Variants in VIRMA observed in about 807,000 individuals in gnomAD.
VIRMA encodes the protein protein virilizer homolog.
A neutral mutation model predicts 182.4 loss-of-function variants in VIRMA; 65 were observed. The observed-to-expected ratio is 0.36, with a 90% CI of 0.29 to 0.44. VIRMA has a LOEUF of 0.44. Among genes scored for constraint, VIRMA ranks in the 20% least tolerant of loss-of-function variants. The pLI is 1.00. For missense variants in VIRMA, 1,752 were observed against 2,158.1 expected (o/e 0.81, Z 3.73); for synonymous variants, 709 against 743.1 (o/e 0.95, Z 0.75).
At chr8:94,493,673 C>A (rs1813677728) in intron 20 of VIRMA, among the ~76,000 whole-genome samples, 1 of 152,106 alleles carries the variant, frequency 6.6e-6, no homozygotes, top group African/African-American at 2.4e-5. Flanking sequence ...ATTTTTAATG[C>A]ACTTTTAATT....
chr8:94,493,747 G>A (rs913328386), intron 20 of VIRMA, among the ~76,000 whole-genome samples: 12 of 152,262 alleles, frequency 7.9e-5, no homozygotes, highest in Admixed American at 5.2e-4. Context: ...CAAATGTGAA[G>A]CAAATCATTC....
intron 15 of VIRMA, among the ~76,000 whole-genome samples, chr8:94,507,581 AC>A (rs2130296571): frequency 6.6e-6 from 1 of 151,924 alleles, no homozygotes; most frequent in South Asian, 2.1e-4. Context: ...ATGGTGAAAC[AC>A]CCTCTCTACC....
At chr8:94,547,047 G>A (rs1412362188) in intron 1 of VIRMA, 3 of 454,958 alleles carry the variant, frequency 6.6e-6, no homozygotes, top group Non-Finnish European at 1.3e-5. Context: ...CTTGAAAGCT[G>A]AGCCAGATCA....
In VIRMA at chr8:94,553,444, C is replaced by T; in HGVS notation, c.4G>A (p.Ala2Thr). 1 of 1,614,218 alleles carries T rather than the reference C, an allele frequency of 6.2e-7. No individual in the cohort carries two copies. Among genetic ancestry groups the T allele is most frequent in the Non-Finnish European group, 8.5e-7 (1 of 1,180,026 alleles). Residue 2 changes from alanine to threonine, a missense_variant, in exon 1 of 24, where the codon GCG becomes ACG. By Grantham distance (58) the Ala-to-Thr change is moderately conservative (BLOSUM62 0). This residue lies in a region of VIRMA where 195 missense variants were observed against 191.7 expected (regional missense o/e 1.02). Transcript: ENST00000297591. M[A>T]VDSAMELLFL... ...AACAGCTCCATCGCCGAGTCCACCG[C>T]CATGTTTGCCGCGGGCGGGGAACAG...
chr8:94,550,854 G>A (rs2130406019), intron 1 of VIRMA, among the ~76,000 whole-genome samples: 1 of 152,222 alleles, frequency 6.6e-6, no homozygotes, highest in South Asian at 2.1e-4. Flanking sequence ...GAGTAGCTGG[G>A]ACTATAGACG....
chr8:94,510,077 T>C (rs185147310), intron 14 of VIRMA, 137 bp from the exon 15 acceptor site: 4 of 773,484 alleles, frequency 5.2e-6, no homozygotes, highest in African/African-American at 3.5e-5. Flanking sequence ...TAATGACAAA[T>C]TCTCTGGAAT....
In VIRMA at chr8:94,538,305, T is replaced by C; in HGVS notation, c.221A>G (p.Asn74Ser). 1 of 1,613,492 alleles carries C rather than the reference T, an allele frequency of 6.2e-7. No homozygotes were observed. The highest frequency in any genetic ancestry group is 8.5e-7 in the Non-Finnish European group (1 of 1,179,494). ...PHTFQLDLFF[N>S]NVSKPSAPVF... ...AGGGGCACTTGGTTTGCTTACATTG[T>C]TGAAGAATAAGTCTAATTGAAATGT... is the stretch of plus-strand genomic sequence containing the variant. Residue 74 changes from asparagine to serine, a missense_variant, in exon 3 of 24, where the codon AAC becomes AGC. This residue lies in a region of VIRMA where 195 missense variants were observed against 191.7 expected (regional missense o/e 1.02). Transcript: ENST00000297591.
At position 94,494,946 on chromosome 8, in the gene VIRMA, C is replaced by A. The variant is rs138979789; in HGVS notation, c.4555G>T (p.Val1519Leu). ...TGATCATCCATGACATCAGCAAGCA[C>A]ATAGGCAGTCCTGGAACAAGAAAAG... ...QNLFNNRTAY[V>L]LADVMDDQLK... Residue 1519 changes from valine to leucine, a missense_variant, in exon 20 of 24, where the codon GTG (valine) becomes TTG (leucine). Around this residue, in one of 11 missense-constraint regions of VIRMA, gnomAD observed 777 missense variants for 920.6 expected, o/e 0.84. Coordinates refer to ENST00000297591, the MANE Select transcript of VIRMA (RefSeq NM_015496.5). The A allele has an allele frequency of 1.1e-5, 18 of 1,602,344 alleles. No homozygotes were observed. The African/African-American group carries it at 2.3e-4, about 20-fold the overall frequency.
chr8:94,490,848 CA>C (rs531665311), intron 22 of VIRMA, among the ~76,000 whole-genome samples: 25 of 140,600 alleles, frequency 1.8e-4, no homozygotes, highest in Non-Finnish European at 1.7e-4. Context: ...ACTCTGTCTC[CA>C]AAAAAAAAAA....
chr8:94,545,597 AACAG>A (rs1441995557), intron 1 of VIRMA, among the ~76,000 whole-genome samples: 2 of 152,212 alleles, frequency 1.3e-5, no homozygotes, highest in Non-Finnish European at 2.9e-5. Flanking sequence ...GCCATTATGG[AACAG>A]ACAATCTGTT....
chr8:94,490,716 G>A (rs1189543776), intron 22 of VIRMA, among the ~76,000 whole-genome samples: 1 of 151,896 alleles, frequency 6.6e-6, no homozygotes, highest in Non-Finnish European at 1.5e-5. Flanking sequence ...GTGTGGTGGC[G>A]CATGCCTATA....
intron 17 of VIRMA, 23 bp from the exon 18 acceptor site, chr8:94,496,503 A>C (rs757215885): frequency 1.8e-5 from 29 of 1,592,466 alleles, no homozygotes; most frequent in Non-Finnish European, 2.4e-5. Flanking sequence ...CACATAAGTT[A>C]AATTTGAGAA....
intron 2 of VIRMA, among the ~76,000 whole-genome samples, chr8:94,539,726 G>A (rs999379289): frequency 1.3e-5 from 2 of 152,154 alleles, no homozygotes; most frequent in Admixed American, 6.5e-5. Flanking sequence ...CAAAGTCCAT[G>A]TCCTGGAAAT....
intron 1 of VIRMA, among the ~76,000 whole-genome samples, chr8:94,553,068 G>A (rs772662564): frequency 7.2e-5 from 11 of 151,986 alleles, no homozygotes; most frequent in Non-Finnish European, 1.3e-4. Context: ...CCTCCCAAAC[G>A]CCATCTGAGG....
chr8:94,509,812 C>T lies in VIRMA; in HGVS notation c.3755G>A (p.Gly1252Asp), dbSNP rs765895482. 1 of 1,614,072 alleles carries T rather than the reference C, an allele frequency of 6.2e-7. No homozygotes were observed. Among genetic ancestry groups the T allele is most frequent in the Non-Finnish European group, 8.5e-7 (1 of 1,179,958 alleles). The change falls in exon 15 of 24, where the codon GGT (glycine) becomes GAT (aspartate). Residue 1252 changes from glycine (G) to aspartate (D), a missense_variant. Transcript: ENST00000297591. The stretch of plus-strand genomic sequence containing the variant: ...GAATATCTCTGCATATCTTTCATCA[C>T]CTTTAATAGTTCCATTAATTAGATG... ...ILHLINGTIK[G>D]DERYAEIFQD... is the part of the protein sequence containing the mutation.
At chr8:94,549,785 T>C (rs1386449564) in intron 1 of VIRMA, among the ~76,000 whole-genome samples, 4 of 152,306 alleles carry the variant, frequency 2.6e-5, no homozygotes, top group Non-Finnish European at 2.9e-5. Context: ...ATCTATAAAA[T>C]GTAGATGACT....
chr8:94,537,197 T>A, intron 3 of VIRMA, 46 bp from the exon 4 acceptor site: 3 of 1,166,244 alleles, frequency 2.6e-6, no homozygotes, highest in South Asian at 1.2e-5. Flanking sequence ...ACACTGAACA[T>A]CACAGTTCAT....
chr8:94,499,797 C>T (rs185273675), intron 16 of VIRMA, among the ~76,000 whole-genome samples: 171 of 152,010 alleles, frequency 1.1e-3, no homozygotes, highest in African/African-American at 4.0e-3. Flanking sequence ...GTAATCCGGG[C>T]GCTTTGGGAG....
chr8:94,511,039 T>C (rs1022638987), intron 13 of VIRMA, 146 bp downstream of exon 13: 48 of 1,425,556 alleles, frequency 3.4e-5, no homozygotes, highest in Non-Finnish European at 8.2e-6. Flanking sequence ...CCAACTTGTT[T>C]CAGTTTTATC....
Sources: allele counts gnomAD v4.1 joint callset (sites outside exome capture counted in the v4.1 genomes callset), GRCh38; gene constraint gnomAD v4.1.1; regional missense constraint gnomAD v4.1.1; transcripts MANE v1.5; gene names NCBI Gene and HGNC (gene_info 2026-07-23, HGNC 2026-07-21).